THADA: variants seen among roughly 807,000 people sequenced by gnomAD.
THADA encodes the protein THADA armadillo repeat containing, also known as tRNA (32-2'-O)-methyltransferase regulator THADA.
In THADA, 213 loss-of-function variants were observed where a neutral mutation model predicts 219.8. That is an observed-to-expected ratio of 0.97 (90% CI 0.87 to 1.09). THADA has a LOEUF of 1.09. Among genes scored for constraint, THADA ranks in the 50% least tolerant of loss-of-function variants. THADA has a pLI of 0.00. For synonymous variants in THADA, 1,018 were observed against 828.9 expected (o/e 1.23, Z -3.92); for missense variants, 2,956 against 2,311.3 (o/e 1.28, Z -5.72).
At chr2:43,318,751 G>C (rs2104457501) in intron 31 of THADA, among the ~76,000 whole-genome samples, 1 of 152,184 alleles carries the variant, frequency 6.6e-6, no homozygotes, top group East Asian at 1.9e-4. Context: ...GTGAAAACAA[G>C]CTGTGATCTG....
intron 26 of THADA, among the ~76,000 whole-genome samples, chr2:43,448,522 T>A (rs1235037632): frequency 6.6e-6 from 1 of 150,984 alleles, no homozygotes; most frequent in Non-Finnish European, 1.5e-5. Flanking sequence ...TGAAGCAACT[T>A]GCAAGGAATT....
At chr2:43,393,869 A>G (rs569704646) in intron 29 of THADA, among the ~76,000 whole-genome samples, 62 of 152,308 alleles carry the variant, frequency 4.1e-4, no homozygotes, top group African/African-American at 1.5e-3. Flanking sequence ...GAATCACCCA[A>G]AATGTGAGTT....
At chr2:43,515,207 AAT>A (rs1491352582) in intron 22 of THADA, among the ~76,000 whole-genome samples, 1 of 10,716 alleles carries the variant, frequency 9.3e-5, no homozygotes, top group South Asian at 2.7e-3. Context: ...TATAATATAT[AAT>A]ATATAATATA....
At chr2:43,520,666 G>C (rs890737945) in intron 22 of THADA, among the ~76,000 whole-genome samples, 11 of 150,796 alleles carry the variant, frequency 7.3e-5, no homozygotes, top group Non-Finnish European at 1.3e-4. Context: ...CTCCAGCCTA[G>C]GCAAAAGAGT....
chr2:43,380,415 G>T (rs1427647780), intron 29 of THADA, among the ~76,000 whole-genome samples: 5 of 152,184 alleles, frequency 3.3e-5, no homozygotes, highest in African/African-American at 4.8e-5. Flanking sequence ...TAAATGAGTA[G>T]TAGATGACAG....
chr2:43,551,579 T>C (rs559306251), intron 19 of THADA, among the ~76,000 whole-genome samples: 12 of 143,942 alleles, frequency 8.3e-5, no homozygotes, highest in Non-Finnish European at 1.8e-4. Flanking sequence ...GCTCATCCTC[T>C]GGTTTGGGAA....
At chr2:43,575,982 C>T (rs560206065) in intron 10 of THADA, among the ~76,000 whole-genome samples, 1 of 152,268 alleles carries the variant, frequency 6.6e-6, no homozygotes, top group Admixed American at 6.5e-5. Context: ...ATAAGGATCA[C>T]TTTAGATTAC....
chr2:43,586,964 G>C lies in THADA; in HGVS notation c.341C>G (p.Ala114Gly), dbSNP rs1222122921. Residue 114 changes from alanine to glycine, a missense_variant, in exon 5 of 38, where the codon GCT (alanine) becomes GGT (glycine). Physicochemically the swap from Ala to Gly is moderately conservative, Grantham distance 60. Coordinates refer to ENST00000405975, the MANE Select transcript of THADA (RefSeq NM_022065.5). ...AAGACGAGAAGTAAAACGGTGCATA[G>C]CCTCAGGTAGAAAAAAATCAGGCAG... is the stretch of plus-strand genomic sequence containing the variant. Reference protein sequence around the residue: ...NSLPDFFLPEAMHRFTSRLQE... With the variant: ...NSLPDFFLPEGMHRFTSRLQE... 1.9e-6 allele frequency: 3 copies of C among 1,613,514 alleles called. No homozygotes were observed. Among genetic ancestry groups the C allele is most frequent in the Non-Finnish European group, 2.5e-6 (3 of 1,179,784 alleles).
intron 25 of THADA, among the ~76,000 whole-genome samples, chr2:43,496,126 T>C (rs1688248075): frequency 6.6e-6 from 1 of 152,200 alleles, no homozygotes; most frequent in Non-Finnish European, 1.5e-5. Context: ...AGCCTGACTT[T>C]CTAGTAAATA....
chr2:43,309,296 T>C (rs1330828089), intron 31 of THADA, among the ~76,000 whole-genome samples: 1 of 152,210 alleles, frequency 6.6e-6, no homozygotes, highest in African/African-American at 2.4e-5. Context: ...TCTTGTAACA[T>C]TAAACAATCC....
At chr2:43,500,672 G>A (rs1309574313) in intron 24 of THADA, among the ~76,000 whole-genome samples, 1 of 152,072 alleles carries the variant, frequency 6.6e-6, no homozygotes, top group African/African-American at 2.4e-5. Context: ...ACAACATAAG[G>A]ATGCCTGCTA....
At chr2:43,248,210 G>GAC (rs1669444353) in intron 36 of THADA, among the ~76,000 whole-genome samples, 1 of 132,594 alleles carries the variant, frequency 7.5e-6, no homozygotes, top group Non-Finnish European at 1.6e-5. Context: ...GAGAGAGAGA[G>GAC]AGAGACAGAG....
At chr2:43,544,293 T>C (rs975995002) in intron 20 of THADA, among the ~76,000 whole-genome samples, 6 of 152,244 alleles carry the variant, frequency 3.9e-5, no homozygotes, top group Non-Finnish European at 5.9e-5. Context: ...TAGCATAGTT[T>C]GAAGTCAGGT....
chr2:43,390,548 A>G (rs1226809480), intron 29 of THADA, among the ~76,000 whole-genome samples: 6 of 152,086 alleles, frequency 3.9e-5, no homozygotes, highest in Non-Finnish European at 7.4e-5. Context: ...CTCCTCTCCT[A>G]TCTATTCCTG....
intron 28 of THADA, among the ~76,000 whole-genome samples, chr2:43,423,853 G>T (rs1678059333): frequency 6.6e-6 from 1 of 152,136 alleles, no homozygotes; most frequent in South Asian, 2.1e-4. Flanking sequence ...CCTCTGAAAA[G>T]ACTTTCTAGT....
intron 30 of THADA, among the ~76,000 whole-genome samples, chr2:43,333,706 TG>T (rs1413303333): frequency 6.6e-6 from 1 of 152,202 alleles, no homozygotes; most frequent in Non-Finnish European, 1.5e-5. Flanking sequence ...AAATGCCACA[TG>T]ATCATCTGAA....
intron 36 of THADA, among the ~76,000 whole-genome samples, chr2:43,275,634 T>G (rs114460778): frequency 1.6e-4 from 24 of 152,238 alleles, no homozygotes; most frequent in African/African-American, 5.5e-4. Flanking sequence ...ACCAGATAAC[T>G]TGCATCAGAG....
At chr2:43,414,351 C>G (rs930862855) in intron 28 of THADA, among the ~76,000 whole-genome samples, 1 of 152,166 alleles carries the variant, frequency 6.6e-6, no homozygotes, top group African/African-American at 2.4e-5. Flanking sequence ...GGCCTTGATG[C>G]GTGGATATCT....
At position 43,574,574 on chromosome 2, in the gene THADA, GAGGTCACTTGC is replaced by G; in HGVS notation, c.1480_1490del (p.Ala494LeufsTer6). 6.2e-7 allele frequency: 1 copy of G among 1,613,920 alleles called. No individual in the cohort carries two copies. Among genetic ancestry groups the G allele is most frequent in the Non-Finnish European group, 8.5e-7 (1 of 1,179,884 alleles). ...TATGATTTCTAAACATGGTTTCCAAGAGGTCACTTGCATAAGGTACCAATGACTGGTCTCCC... is the reference window on the plus strand; with the variant it reads ...TATGATTTCTAAACATGGTTTCCAAGATAAGGTACCAATGACTGGTCTCCC... On this transcript the variant is annotated frameshift_variant, in exon 11 of 38. Coordinates refer to ENST00000405975, the MANE Select transcript of THADA (RefSeq NM_022065.5). LOFTEE classifies it high-confidence loss of function.
Sources: gnomAD v4.1 joint callset for allele counts (sites outside exome capture counted in the v4.1 genomes callset) on GRCh38, gnomAD v4.1.1 for gene constraint, MANE v1.5 for transcripts, NCBI Gene and HGNC (gene_info 2026-07-23, HGNC 2026-07-21) for gene names.